The following GRM1 variants were observed in gnomAD, a reference collection of about 807,000 sequenced individuals.
GRM1 encodes the protein metabotropic glutamate receptor 1.
Under a neutral mutation model 90.9 loss-of-function variants are expected in GRM1, and 33 were observed. The observed-to-expected ratio is 0.36, with a 90% confidence interval of 0.28 to 0.49. The LOEUF (loss-of-function observed/expected upper bound fraction) is 0.49. Ranked by LOEUF, GRM1 falls within the 20% of genes least tolerant of loss-of-function variation. The probability of loss-of-function intolerance (pLI) is 0.99; values close to 1 mark genes in which losing one functional copy is unlikely to be tolerated. For missense variants in GRM1, 1,190 were observed against 1,534.3 expected, an observed-to-expected ratio of 0.78 and a Z score of 3.75; for synonymous variants, 700 against 613.2, an observed-to-expected ratio of 1.14 and a Z score of -2.09.
At chr6:146,241,405 A>C (rs1229024195) in intron 2 of GRM1, among the ~76,000 whole-genome samples, 2 of 152,082 alleles carry the variant, frequency 1.3e-5, no homozygotes, top group African/African-American at 4.8e-5. Flanking sequence ...GAAATGAAAC[A>C]TTTCTTAAAA....
At chr6:146,263,777 A>G (rs1726365026) in intron 2 of GRM1, among the ~76,000 whole-genome samples, 1 of 152,126 alleles carries the variant, frequency 6.6e-6, no homozygotes, top group African/African-American at 2.4e-5. Context: ...GTACACATTT[A>G]TAGAAAAATC....
chr6:146,065,653 C>T (rs1380481163), intron 1 of GRM1, among the ~76,000 whole-genome samples: 1 of 152,072 alleles, frequency 6.6e-6, no homozygotes, highest in Non-Finnish European at 1.5e-5. Flanking sequence ...GCCCCGTAAA[C>T]AAGGATAGAA....
chr6:146,415,631 G>C (rs1777753820), intron 7 of GRM1, among the ~76,000 whole-genome samples: 1 of 152,192 alleles, frequency 6.6e-6, no homozygotes, highest in Non-Finnish European at 1.5e-5. Flanking sequence ...AAATCAGGTA[G>C]TGTAAGTCCT....
In GRM1 at chr6:146,331,490, G is replaced by C. The variant is rs2114994799; in HGVS notation, c.1187-20760G>C. Among the ~76,000 whole-genome samples, 3 of 152,288 alleles carry C rather than the reference G, an allele frequency of 2.0e-5. 1 individual carries two copies. The South Asian group carries it at 6.2e-4, about 32-fold the overall frequency. On this transcript the variant is annotated intron_variant, in intron 3 of 7. Coordinates refer to ENST00000282753, the MANE Select transcript of GRM1 (RefSeq NM_001278064.2). ...TCACTATATATATATCACAGAGAATGTGAAGGGTGTGTGCATGTATAGATT... is the reference window on the plus strand; with the variant it reads ...TCACTATATATATATCACAGAGAATCTGAAGGGTGTGTGCATGTATAGATT...
rs1050532160 is a variant in GRM1 at position 146,399,602 on chromosome 6, G to A, written c.2563G>A (p.Val855Ile). 1.9e-6 allele frequency: 3 copies of A among 1,613,940 alleles called. No homozygotes were observed. Among genetic ancestry groups the A allele is most frequent in the East Asian group, 2.2e-5 (1 of 44,880 alleles). The stretch of plus-strand genomic sequence containing the variant: ...CCGCAGTGCCTTCACCACCTCTGAT[G>A]TTGTCCGCATGCATGTTGGCGATGG... ...NVRSAFTTSD[V>I]VRMHVGDGKL... Residue 855 changes from valine to isoleucine, a missense_variant, in exon 7 of 8, where the codon GTT becomes ATT. Physicochemically the swap from Val to Ile is conservative, Grantham distance 29 (BLOSUM62 3). Transcript: ENST00000282753. This position sits in a 1 kb window ranked among gnomAD's most constrained non-coding sequence, Gnocchi z 5.4.
intron 7 of GRM1, among the ~76,000 whole-genome samples, chr6:146,404,524 C>G (rs1473364263): frequency 6.6e-6 from 1 of 152,098 alleles, no homozygotes; most frequent in African/African-American, 2.4e-5. Flanking sequence ...GAAAGATCTT[C>G]GAGTAAAAGT....
intron 1 of GRM1, among the ~76,000 whole-genome samples, chr6:146,049,723 C>T (rs1033270040): frequency 6.6e-6 from 1 of 150,984 alleles, no homozygotes; most frequent in South Asian, 2.1e-4. Flanking sequence ...TGGTTCTGTC[C>T]CTCTAGAGAA....
chr6:146,075,393 T>A (rs1358549412), intron 1 of GRM1, among the ~76,000 whole-genome samples: 1 of 152,230 alleles, frequency 6.6e-6, no homozygotes, highest in Non-Finnish European at 1.5e-5. Flanking sequence ...AGAGAGCTGA[T>A]ATTCTCCTGG....
At position 146,183,752 on chromosome 6, in the gene GRM1, G is replaced by T. The variant is rs192660303; in HGVS notation, c.950+24155G>T. 3.3e-3 allele frequency among the ~76,000 whole-genome samples: 501 copies of T among 152,202 alleles called. 3 individuals are homozygous for T. The highest frequency in any genetic ancestry group is 0.012 in the African/African-American group (483 of 41,518). On this transcript the variant is annotated intron_variant, in intron 2 of 7. Transcript: ENST00000282753. ...CTTGGTTTTATGTTGTCTAATTCAGGTACATTTCTCTCCTTCATCAGTTTC... is the reference window on the plus strand; with the variant it reads ...CTTGGTTTTATGTTGTCTAATTCAGTTACATTTCTCTCCTTCATCAGTTTC...
intron 1 of GRM1, among the ~76,000 whole-genome samples, chr6:146,143,116 T>A (rs1034193023): frequency 6.6e-6 from 1 of 152,052 alleles, no homozygotes; most frequent in Non-Finnish European, 1.5e-5. Flanking sequence ...AGATAATGAA[T>A]CCTCCAGGAC....
At chr6:146,318,614 C>T (rs893135472) in intron 3 of GRM1, among the ~76,000 whole-genome samples, 1 of 152,134 alleles carries the variant, frequency 6.6e-6, no homozygotes, top group Non-Finnish European at 1.5e-5. Flanking sequence ...ATTTACACTC[C>T]CACCAACAAT....
chr6:146,217,480 G>A (rs1037333249), intron 2 of GRM1, among the ~76,000 whole-genome samples: 11 of 152,174 alleles, frequency 7.2e-5, no homozygotes, highest in African/African-American at 2.4e-4. Context: ...GCATTTGTCT[G>A]AGCAACTAAT....
At chr6:146,311,065 T>C (rs1783754496) in intron 3 of GRM1, among the ~76,000 whole-genome samples, 1 of 152,188 alleles carries the variant, frequency 6.6e-6, no homozygotes, top group African/African-American at 2.4e-5. Context: ...GGGACATAAT[T>C]CCTCAACCCA....
chr6:146,255,440 C>T (rs9497510), intron 2 of GRM1, among the ~76,000 whole-genome samples: 17,279 of 152,048 alleles, frequency 0.11, 1,949 homozygotes, highest in African/African-American at 0.29. Context: ...CCTAGGAGAA[C>T]TGTGGCAATC....
chr6:146,094,376 T>C (rs1776809841), intron 1 of GRM1, among the ~76,000 whole-genome samples: 1 of 152,120 alleles, frequency 6.6e-6, no homozygotes, highest in South Asian at 2.1e-4. Context: ...TGGTCATTAC[T>C]ACATTAACAT....
rs1356917759 is a variant in GRM1 at position 146,434,595 on chromosome 6, G to A, written c.3384G>A (p.Glu1128=). 1 of 1,613,836 alleles carries A rather than the reference G, an allele frequency of 6.2e-7. No homozygotes were observed. Among genetic ancestry groups the A allele is most frequent in the East Asian group, 2.2e-5 (1 of 44,874 alleles). Residue 1128 remains glutamate, a synonymous_variant, in exon 8 of 8, where the codon GAG becomes GAA. Transcript: ENST00000282753. The part of the protein sequence containing the change: ...NTEEDELEEE[E]EDLQAASKLT... ...AAGAAGACGAACTGGAAGAGGAGGA[G>A]GAGGACCTGCAGGCGGCCAGCAAAC... is the stretch of plus-strand genomic sequence containing the variant.
chr6:146,416,944 G>T (rs542135651), intron 7 of GRM1, among the ~76,000 whole-genome samples: 1 of 152,190 alleles, frequency 6.6e-6, no homozygotes, highest in South Asian at 2.1e-4. Flanking sequence ...TTTTTCTAGA[G>T]GGAAACCACC....
intron 1 of GRM1, among the ~76,000 whole-genome samples, chr6:146,153,863 T>G (rs1457934984): frequency 6.6e-6 from 1 of 152,246 alleles, no homozygotes; most frequent in Non-Finnish European, 1.5e-5. Context: ...AAACATTTCA[T>G]GAAACCAGTT....
chr6:146,334,565 G>A (rs1380268643), intron 3 of GRM1, among the ~76,000 whole-genome samples: 1 of 152,134 alleles, frequency 6.6e-6, no homozygotes, highest in Non-Finnish European at 1.5e-5. Context: ...TCATTCATAT[G>A]TATGGTTCTC....
Sources: gnomAD v4.1 joint callset for allele counts (sites outside exome capture counted in the v4.1 genomes callset) on GRCh38, gnomAD v4.1.1 for gene constraint, Gnocchi (gnomAD v3.1) non-coding constraint, MANE v1.5 for transcripts, NCBI Gene and HGNC (gene_info 2026-07-23, HGNC 2026-07-21) for gene names.